Variants in SLC35E2B observed in about 807,000 individuals in gnomAD.
SLC35E2B encodes the protein solute carrier family 35 member E2B, also known as solute carrier family 35, member E2B.
SLC35E2B carries 18 observed loss-of-function variants against 32.4 expected under a neutral mutation model. That is an observed-to-expected ratio of 0.56 (90% confidence interval 0.38 to 0.82). The LOEUF is 0.82. Ranked by LOEUF, SLC35E2B falls within the 40% of genes least tolerant of loss-of-function variation. The probability of loss-of-function intolerance (pLI) is 0.00; values close to 1 mark genes in which losing one functional copy is unlikely to be tolerated. For synonymous variants in SLC35E2B, 132 were observed against 209.1 expected, an observed-to-expected ratio of 0.63 and a Z score of 3.18; for missense variants, 263 against 469.5, an observed-to-expected ratio of 0.56 and a Z score of 4.06.
chr1:1,666,320 AAG>A (rs1188479285), intron 9 of SLC35E2B, among the ~76,000 whole-genome samples: 2 of 152,180 alleles, frequency 1.3e-5, no homozygotes, highest in Non-Finnish European at 2.9e-5. Flanking sequence ...ATTATTAAAA[AAG>A]GCAGAGGAGG....
Position 1,663,497 on chromosome 1 carries a change from A to C in SLC35E2B, c.*2285T>G. 3 of 886,236 alleles carry C rather than the reference A, an allele frequency of 3.4e-6. No homozygotes were observed. The highest frequency in any genetic ancestry group is 4.1e-6 in the Non-Finnish European group (3 of 739,138). 54.9% of individuals were successfully genotyped at this position (886,236 alleles called of 1,614,324 possible). A position where few individuals can be genotyped will look rare whatever the true frequency, so the allele number is the denominator to read the frequency against. On this transcript the variant is annotated 3_prime_UTR_variant, in exon 10 of 10. Coordinates refer to ENST00000617444, the MANE Select transcript of SLC35E2B (RefSeq NM_001290264.2). ...TAATAGTGTTTGTTTTTGAGACGGAATCTTGCCCTGTTGCCCAGGCTGGAG... is the reference window on the plus strand; with the variant it reads ...TAATAGTGTTTGTTTTTGAGACGGACTCTTGCCCTGTTGCCCAGGCTGGAG...
intron 5 of SLC35E2B, 146 bp from the exon 6 acceptor site, chr1:1,671,775 G>T: frequency 1.1e-6 from 1 of 950,286 alleles, no homozygotes; most frequent in Non-Finnish European, 1.5e-6. Context: ...TTCACATTGT[G>T]AGATAAAGCA....
intron 2 of SLC35E2B, among the ~76,000 whole-genome samples, chr1:1,688,571 G>C (rs939447745): frequency 6.6e-6 from 1 of 151,090 alleles, no homozygotes; most frequent in Non-Finnish European, 1.5e-5. Flanking sequence ...TTGCACTCCA[G>C]CCTGGGCGGC....
intron 2 of SLC35E2B, among the ~76,000 whole-genome samples, chr1:1,687,360 C>T (rs1400727538): frequency 5.3e-5 from 8 of 151,666 alleles, no homozygotes; most frequent in Non-Finnish European, 8.8e-5. Flanking sequence ...GCGGATTACC[C>T]GAGCTCAGGA....
intron 2 of SLC35E2B, among the ~76,000 whole-genome samples, chr1:1,681,202 CTTTTCT>C (rs767109761): frequency 5.3e-5 from 8 of 151,788 alleles, no homozygotes; most frequent in Non-Finnish European, 1.2e-4. Context: ...TTTCCTTTTC[CTTTTCT>C]TTTTTTCGAG....
chr1:1,683,641 G>A (rs980779312), intron 2 of SLC35E2B, among the ~76,000 whole-genome samples: 9 of 151,936 alleles, frequency 5.9e-5, no homozygotes, highest in Non-Finnish European at 8.8e-5. Flanking sequence ...TGAGGTTGGC[G>A]GGTGGGGCTC....
In SLC35E2B at chr1:1,664,138, A is replaced by G. The variant is rs1461365809; in HGVS notation, c.*1644T>C. 1.4e-5 allele frequency: 6 copies of G among 415,002 alleles called. No homozygotes were observed. The highest frequency in any genetic ancestry group is 1.9e-5 in the Non-Finnish European group (6 of 308,004). 25.7% of individuals were successfully genotyped at this position (415,002 alleles called of 1,614,324 possible). A position where few individuals can be genotyped will look rare whatever the true frequency, so the allele number is the denominator to read the frequency against. ...GTCGAGGCTGCAGTGAGCCAAGATC[A>G]TGCCACTGTACTCCAGCCTGGGTGA... On this transcript the variant is annotated 3_prime_UTR_variant, in exon 10 of 10. Transcript: ENST00000617444.
At position 1,692,407 on chromosome 1, in the gene SLC35E2B, AGCACCGATCACCGAGCAGAGCACCCC is replaced by A. The variant is rs1388920165; in HGVS notation, c.-566+16_-566+41del. The A allele has an allele frequency of 9.0e-6, 9 of 995,506 alleles. No homozygotes were observed. In the East Asian group the frequency reaches 6.6e-4, roughly 74 times the overall value. The allele number at this position is 995,506 out of a possible 1,614,324, so 61.7% of individuals were successfully genotyped here. On this transcript the variant is annotated intron_variant, in intron 1 of 9. Coordinates refer to ENST00000617444, the MANE Select transcript of SLC35E2B (RefSeq NM_001290264.2). ...ACCGAGCACCGAGCACGCAGCACCC[AGCACCGATCACCGAGCAGAGCACCCC>A]GCACGCAGAACCCACCGAGAGCCTG... is the stretch of plus-strand genomic sequence containing the variant.
intron 9 of SLC35E2B, among the ~76,000 whole-genome samples, chr1:1,666,504 G>A (rs961553350): frequency 1.3e-4 from 20 of 152,306 alleles, no homozygotes; most frequent in African/African-American, 4.6e-4. Flanking sequence ...GGGATCATAG[G>A]CGTGAGCCAC....
intron 2 of SLC35E2B, among the ~76,000 whole-genome samples, chr1:1,686,011 C>T (rs1465071191): frequency 5.1e-5 from 6 of 117,608 alleles, no homozygotes; most frequent in Admixed American, 2.6e-4. Flanking sequence ...TTTGTATTTT[C>T]ATTTCATTTT....
At position 1,675,197 on chromosome 1, in the gene SLC35E2B, C is replaced by A. The variant is rs1643811259; in HGVS notation, c.586+266G>T. Among the ~76,000 whole-genome samples, 3 of 116,726 alleles carry A rather than the reference C, an allele frequency of 2.6e-5. No individual in the cohort carries two copies. In the South Asian group the frequency reaches 7.2e-4, roughly 28 times the overall value. The allele number at this position is 116,726 out of a possible 152,430, so 76.6% of individuals were successfully genotyped here. ...CTTGCTTGCCAGGAATCTGCCCAGC[C>A]CCCACCTGTCTCCCCACCCAGTTAG... On this transcript the variant is annotated intron_variant, in intron 5 of 9. Coordinates refer to ENST00000617444, the MANE Select transcript of SLC35E2B (RefSeq NM_001290264.2).
intron 2 of SLC35E2B, among the ~76,000 whole-genome samples, chr1:1,690,181 G>A (rs1644001711): frequency 6.7e-6 from 1 of 149,572 alleles, no homozygotes; most frequent in South Asian, 2.1e-4. Flanking sequence ...TCAGGAGGCT[G>A]AGGCAGGAGA....
At chr1:1,688,301 A>C (rs1643975844) in intron 2 of SLC35E2B, among the ~76,000 whole-genome samples, 1 of 152,048 alleles carries the variant, frequency 6.6e-6, no homozygotes, top group Admixed American at 6.6e-5. Flanking sequence ...AGAGACTAAA[A>C]CTACTGAGTA....
intron 5 of SLC35E2B, chr1:1,672,249 G>A (rs1388054867): frequency 6.6e-6 from 1 of 152,424 alleles, no homozygotes; most frequent in Non-Finnish European, 1.5e-5. Flanking sequence ...TGGGGAGGCT[G>A]AGGTGGGAAG....
chr1:1,684,582 G>A (rs1298274529), intron 2 of SLC35E2B, among the ~76,000 whole-genome samples: 1 of 152,008 alleles, frequency 6.6e-6, no homozygotes, highest in Non-Finnish European at 1.5e-5. Flanking sequence ...ACAAGGTCAG[G>A]AGATTGAGAC....
At chr1:1,689,298 G>A (rs1391233879) in intron 2 of SLC35E2B, among the ~76,000 whole-genome samples, 1 of 152,040 alleles carries the variant, frequency 6.6e-6, no homozygotes, top group African/African-American at 2.4e-5. Flanking sequence ...AGAAAAACTG[G>A]ATTCTGATCT....
In SLC35E2B at chr1:1,678,785, C is replaced by T. The variant is rs541904679; in HGVS notation, c.-147-1939G>A. ...GGGTGACAACAAGCTGGGAGCTAAA[C>T]CTCCATGGGCTGCAGCCTCCCTGGA... is the stretch of plus-strand genomic sequence containing the variant. On this transcript the variant is annotated intron_variant, in intron 2 of 9. Coordinates refer to ENST00000617444, the MANE Select transcript of SLC35E2B (RefSeq NM_001290264.2). Among the ~76,000 whole-genome samples the T allele has an allele frequency of 8.5e-5, 13 of 152,286 alleles. No individual in the cohort carries two copies. The South Asian group carries it at 2.7e-3, about 32-fold the overall frequency.
chr1:1,688,334 C>T lies in SLC35E2B; in HGVS notation c.-148+2642G>A, dbSNP rs139800792. On this transcript the variant is annotated intron_variant, in intron 2 of 9. Coordinates refer to ENST00000617444, the MANE Select transcript of SLC35E2B (RefSeq NM_001290264.2). ...GTAAAAGCTTAGAAACGGCCGGGCGCGCTGGCTCACACCTGCCATCCCAGC... is the reference window on the plus strand; with the variant it reads ...GTAAAAGCTTAGAAACGGCCGGGCGTGCTGGCTCACACCTGCCATCCCAGC... Among the ~76,000 whole-genome samples the T allele has an allele frequency of 7.3e-4, 111 of 152,178 alleles. 2 individuals are homozygous for T. The highest frequency in any genetic ancestry group is 2.6e-3 in the African/African-American group (106 of 41,508).
At chr1:1,667,253 A>C (rs1643571123) in intron 9 of SLC35E2B, among the ~76,000 whole-genome samples, 1 of 147,892 alleles carries the variant, frequency 6.8e-6, no homozygotes, top group Non-Finnish European at 1.5e-5. Context: ...AAAAAATACA[A>C]AAAAAAAAAA....
Sources: allele counts gnomAD v4.1 joint callset (sites outside exome capture counted in the v4.1 genomes callset), GRCh38; gene constraint gnomAD v4.1.1; transcripts MANE v1.5; gene names NCBI Gene and HGNC (gene_info 2026-07-23, HGNC 2026-07-21).